PHIP: variants seen among roughly 807,000 people sequenced by gnomAD.
PHIP encodes the protein PH-interacting protein.
A neutral mutation model predicts 236.8 loss-of-function variants in PHIP; 54 were observed. The observed-to-expected ratio is 0.23, with a 90% CI of 0.18 to 0.29. The LOEUF (loss-of-function observed/expected upper bound fraction) is 0.29, where lower values mean the gene tolerates loss of function less well. PHIP is among the 10% of genes least tolerant of loss of function. PHIP has a pLI of 1.00. For missense variants in PHIP, 1,370 were observed against 2,190.8 expected (o/e 0.63, Z 7.48); for synonymous variants, 756 against 718.9 (o/e 1.05, Z -0.83).
chr6:78,957,536 C>A (rs1766503322), intron 32 of PHIP: 1 of 143,790 alleles, frequency 7.0e-6, no homozygotes, highest in Non-Finnish European at 1.5e-5. Flanking sequence ...AAAAGGAGCT[C>A]AAAGATTATG....
At chr6:79,001,801 T>C (rs1169726455) in intron 17 of PHIP, 98 bp downstream of exon 17, 3 of 718,534 alleles carry the variant, frequency 4.2e-6, no homozygotes, top group Admixed American at 2.3e-5. Context: ...TTACTTCTTA[T>C]CCACTTAACA....
At chr6:78,974,535 A>G (rs913097523) in intron 24 of PHIP, among the ~76,000 whole-genome samples, 5 of 152,084 alleles carry the variant, frequency 3.3e-5, no homozygotes, top group African/African-American at 1.2e-4. Flanking sequence ...TCAGAGCAGA[A>G]CTGAAGGAAA....
intron 19 of PHIP, among the ~76,000 whole-genome samples, chr6:78,994,098 GGAAAC>G (rs1769450551): frequency 6.6e-6 from 1 of 152,136 alleles, no homozygotes; most frequent in Admixed American, 6.5e-5. Context: ...TAGATGTAAT[GGAAAC>G]GGCAAGAGAA....
intron 4 of PHIP, among the ~76,000 whole-genome samples, chr6:79,070,851 A>AT (rs1582323025): frequency 6.6e-6 from 1 of 152,198 alleles, no homozygotes; most frequent in East Asian, 1.9e-4. Flanking sequence ...TATTTTAAAA[A>AT]TTTTTTATGT....
intron 31 of PHIP, among the ~76,000 whole-genome samples, chr6:78,959,813 G>A (rs1393478832): frequency 1.3e-5 from 2 of 152,040 alleles, no homozygotes; most frequent in African/African-American, 4.8e-5. Context: ...CTCAACTAAC[G>A]ATGGTGTTAC....
intron 23 of PHIP, among the ~76,000 whole-genome samples, chr6:78,981,319 T>C (rs1768515139): frequency 6.6e-6 from 1 of 152,006 alleles, no homozygotes; most frequent in African/African-American, 2.4e-5. Context: ...TACTTTTATG[T>C]TTATTTGAGA....
Position 78,970,041 on chromosome 6 carries a change from G to T in PHIP, c.3122+8C>A, listed in dbSNP as rs371967393. 1.2e-6 allele frequency: 2 copies of T among 1,612,982 alleles called. No individual in the cohort carries two copies. The highest frequency in any genetic ancestry group is 2.7e-5 in the African/African-American group (2 of 74,868). ...AAGAAAACCATTGCCTCTTTCAACAGTCCTTACTTCATGGTAAATGATCCG... is the reference window on the plus strand; with the variant it reads ...AAGAAAACCATTGCCTCTTTCAACATTCCTTACTTCATGGTAAATGATCCG... On this transcript the variant is annotated splice_region_variant and intron_variant, in intron 26 of 39. Transcript: ENST00000275034.
chr6:79,016,400 A>T, intron 13 of PHIP, 144 bp downstream of exon 13: 1 of 445,958 alleles, frequency 2.2e-6, no homozygotes, highest in Non-Finnish European at 4.0e-6. Flanking sequence ...AACACTGCTC[A>T]TCTCCAATTG....
chr6:79,026,311 C>T (rs1378941950), intron 7 of PHIP, 147 bp from the exon 8 acceptor site: 15 of 650,110 alleles, frequency 2.3e-5, no homozygotes, highest in Admixed American at 1.7e-4. Flanking sequence ...TTAGCTTACA[C>T]AAAGCTCTTT....
chr6:79,035,042 A>T (rs1396009616), intron 7 of PHIP, among the ~76,000 whole-genome samples: 5 of 152,180 alleles, frequency 3.3e-5, no homozygotes, highest in African/African-American at 1.2e-4. Flanking sequence ...CTGACATCAT[A>T]GCCTGACTAT....
chr6:79,063,966 A>G (rs1773504658), intron 4 of PHIP, among the ~76,000 whole-genome samples: 1 of 152,090 alleles, frequency 6.6e-6, no homozygotes, highest in Non-Finnish European at 1.5e-5. Context: ...TCTCTTTCCC[A>G]AGAATCCTCT....
intron 23 of PHIP, among the ~76,000 whole-genome samples, chr6:78,982,435 C>G (rs1321735471): frequency 6.6e-6 from 1 of 151,986 alleles, no homozygotes; most frequent in Non-Finnish European, 1.5e-5. Flanking sequence ...ACTTTATTCG[C>G]CTTGGGGTCA....
At chr6:78,988,110 C>G (rs1375742445) in intron 21 of PHIP, 99 bp downstream of exon 21, 24 of 818,652 alleles carry the variant, frequency 2.9e-5, no homozygotes, top group Non-Finnish European at 4.2e-5. Context: ...CATATTTAAG[C>G]TACATCTACA....
chr6:78,977,290 A>C (rs934966113), intron 24 of PHIP, among the ~76,000 whole-genome samples: 2 of 149,144 alleles, frequency 1.3e-5, no homozygotes, highest in African/African-American at 4.9e-5. Context: ...AAAACCAAAC[A>C]CCGCATATTC....
At chr6:79,024,218 G>A (rs1305704816) in intron 9 of PHIP, among the ~76,000 whole-genome samples, 1 of 152,156 alleles carries the variant, frequency 6.6e-6, no homozygotes, top group Admixed American at 6.5e-5. Context: ...AAAGAAGCAT[G>A]TGTTGCATTA....
At chr6:79,030,795 A>G (rs1001957726) in intron 7 of PHIP, among the ~76,000 whole-genome samples, 4 of 152,114 alleles carry the variant, frequency 2.6e-5, no homozygotes, top group Non-Finnish European at 5.9e-5. Context: ...AACTATGAAC[A>G]GGTTTTAAGA....
At chr6:78,971,515 C>T (rs931172006) in intron 24 of PHIP, among the ~76,000 whole-genome samples, 3 of 152,018 alleles carry the variant, frequency 2.0e-5, no homozygotes, top group African/African-American at 4.8e-5. Flanking sequence ...ACCATTATTG[C>T]GGGGAGGGGC....
chr6:78,936,860 G>A lies in PHIP; in HGVS notation c.*3833C>T, dbSNP rs1773289965. 6.6e-6 allele frequency: 1 copy of A among 151,736 alleles called. No homozygotes were observed. Among genetic ancestry groups the A allele is most frequent in the South Asian group, 2.1e-4 (1 of 4,822 alleles). 9.4% of individuals were successfully genotyped at this position (151,736 alleles called of 1,614,324 possible). On this transcript the variant is annotated 3_prime_UTR_variant, in exon 40 of 40. Transcript: ENST00000275034. ...TAACAAAAATAGTTTCTTAGTAAAT[G>A]TAATATTAATTTTAGTTCAGATCAC...
chr6:78,939,751 T>C lies in PHIP; in HGVS notation c.*942A>G, dbSNP rs1387347966. On this transcript the variant is annotated 3_prime_UTR_variant, in exon 40 of 40. Coordinates refer to ENST00000275034, the MANE Select transcript of PHIP (RefSeq NM_017934.7). ...AAATCCCATACCTTTTTTCCTGTATTTTCCTTGAATCCTTTAACCACTTAA... is the reference window on the plus strand; with the variant it reads ...AAATCCCATACCTTTTTTCCTGTATCTTCCTTGAATCCTTTAACCACTTAA... The C allele has an allele frequency of 6.6e-6, 1 of 152,204 alleles. No homozygotes were observed. Among genetic ancestry groups the C allele is most frequent in the Non-Finnish European group, 1.5e-5 (1 of 67,826 alleles). The allele number at this position is 152,204 out of a possible 1,614,324, so 9.4% of individuals were successfully genotyped here.
Sources: allele counts gnomAD v4.1 joint callset (sites outside exome capture counted in the v4.1 genomes callset), GRCh38; gene constraint gnomAD v4.1.1; transcripts MANE v1.5; gene names NCBI Gene and HGNC (gene_info 2026-07-23, HGNC 2026-07-21).